Variants in IPCEF1 observed in about 807,000 individuals in gnomAD.
IPCEF1 encodes interaction protein for cytohesin exchange factors 1.
A neutral mutation model predicts 50.9 loss-of-function variants in IPCEF1; 31 were observed. The observed-to-expected ratio is 0.61, with a 90% CI of 0.46 to 0.82. The LOEUF (loss-of-function observed/expected upper bound fraction) is 0.82, where lower values mean the gene tolerates loss of function less well. Ranked by LOEUF, IPCEF1 falls within the 40% of genes least tolerant of loss-of-function variation. The pLI, the probability that IPCEF1 is intolerant of heterozygous loss-of-function variation, is 0.00. For synonymous variants in IPCEF1, 181 were observed against 192.0 expected (o/e 0.94, Z 0.47); for missense variants, 458 against 514.0 (o/e 0.89, Z 1.05).
At chr6:154,260,866 A>G (rs755565569) in intron 3 of IPCEF1, among the ~76,000 whole-genome samples, 2 of 152,206 alleles carry the variant, frequency 1.3e-5, no homozygotes, top group Non-Finnish European at 2.9e-5. Flanking sequence ...AAAGAAAACC[A>G]AGCAATCATG....
intron 10 of IPCEF1, among the ~76,000 whole-genome samples, chr6:154,179,961 G>A (rs899068040): frequency 6.6e-6 from 1 of 152,058 alleles, no homozygotes; most frequent in East Asian, 1.9e-4. Context: ...TGGAATTGCT[G>A]GTCCATGAAC....
chr6:154,297,072 G>T (rs527659560), intron 1 of IPCEF1, among the ~76,000 whole-genome samples: 1 of 150,716 alleles, frequency 6.6e-6, no homozygotes, highest in African/African-American at 2.4e-5. Context: ...TTTTTAAATA[G>T]GGTCTCACTC....
chr6:154,212,683 T>G, intron 9 of IPCEF1, 87 bp downstream of exon 9: 2 of 844,726 alleles, frequency 2.4e-6, no homozygotes, highest in Non-Finnish European at 3.8e-6. Flanking sequence ...TAAAAATTTA[T>G]TGGTCAAGCT....
chr6:154,273,604 G>T (rs2128659247), intron 2 of IPCEF1, among the ~76,000 whole-genome samples: 1 of 152,190 alleles, frequency 6.6e-6, no homozygotes, highest in South Asian at 2.1e-4. Flanking sequence ...TCTGTGTACA[G>T]TGACATATGC....
intron 10 of IPCEF1, among the ~76,000 whole-genome samples, chr6:154,174,712 C>G (rs959770815): frequency 6.6e-6 from 1 of 152,222 alleles, no homozygotes; most frequent in Middle Eastern, 3.4e-3. Context: ...GACTCTCACA[C>G]AATAATAATG....
intron 5 of IPCEF1, among the ~76,000 whole-genome samples, chr6:154,232,747 C>G (rs1341728038): frequency 6.6e-6 from 1 of 152,100 alleles, no homozygotes; most frequent in East Asian, 1.9e-4. Context: ...CTTAACCTCT[C>G]TGAGTCACTG....
At chr6:154,278,179 T>C (rs955421909) in intron 2 of IPCEF1, among the ~76,000 whole-genome samples, 2 of 152,262 alleles carry the variant, frequency 1.3e-5, no homozygotes, top group African/African-American at 4.8e-5. Flanking sequence ...AAGTTTAGAT[T>C]GGAAATTGAT....
intron 1 of IPCEF1, among the ~76,000 whole-genome samples, chr6:154,309,694 T>C (rs1783026538): frequency 6.6e-6 from 1 of 152,164 alleles, no homozygotes; most frequent in African/African-American, 2.4e-5. Flanking sequence ...TCCACAATCT[T>C]TGTGAAATTC....
chr6:154,220,813 G>A (rs139045595), intron 7 of IPCEF1, among the ~76,000 whole-genome samples: 72 of 152,298 alleles, frequency 4.7e-4, no homozygotes, highest in African/African-American at 1.6e-3. Context: ...GAGCAAAGGC[G>A]TTTTGCAATA....
intron 1 of IPCEF1, among the ~76,000 whole-genome samples, chr6:154,331,367 A>AAAGG (rs1783656870): frequency 8.4e-6 from 1 of 119,436 alleles, no homozygotes; most frequent in Non-Finnish European, 1.7e-5. Context: ...AGAAAGAAAG[A>AAAGG]AAGGAAAGAA....
chr6:154,194,072 G>A (rs1205848792), intron 10 of IPCEF1, among the ~76,000 whole-genome samples: 1 of 152,196 alleles, frequency 6.6e-6, no homozygotes, highest in Non-Finnish European at 1.5e-5. Context: ...GCCCAGGGCA[G>A]ATCACTGTTA....
At chr6:154,214,934 C>T (rs1452411621) in intron 7 of IPCEF1, among the ~76,000 whole-genome samples, 2 of 152,230 alleles carry the variant, frequency 1.3e-5, no homozygotes, top group African/African-American at 4.8e-5. Flanking sequence ...CTGCAGACCA[C>T]TGTAGTTCCT....
In IPCEF1 at chr6:154,187,887, G is replaced by A. The variant is rs942757037; in HGVS notation, c.910+11781C>T. 4.6e-5 allele frequency among the ~76,000 whole-genome samples: 7 copies of A among 152,118 alleles called. No individual in the cohort carries two copies. In the East Asian group the frequency reaches 1.3e-3, roughly 29 times the overall value. ...AAAAGTACCTACTTCTAACTTGGTG[G>A]CAGAGGTGATGAAAAAGTACCTACT... is the stretch of plus-strand genomic sequence containing the variant. On this transcript the variant is annotated intron_variant, in intron 10 of 11. Transcript: ENST00000367220.
intron 1 of IPCEF1, among the ~76,000 whole-genome samples, chr6:154,296,611 C>T (rs776619317): frequency 2.6e-5 from 4 of 152,142 alleles, no homozygotes; most frequent in East Asian, 1.9e-4. Context: ...GGGCAGATCA[C>T]GAGGTCAGGA....
intron 1 of IPCEF1, among the ~76,000 whole-genome samples, chr6:154,335,800 G>T (rs1191057156): frequency 2.6e-5 from 4 of 152,110 alleles, no homozygotes; most frequent in Admixed American, 2.6e-4. Context: ...CAACTTAACA[G>T]TAACAAATCA....
chr6:154,211,441 A>T (rs1411936373), intron 9 of IPCEF1, among the ~76,000 whole-genome samples: 1 of 151,898 alleles, frequency 6.6e-6, no homozygotes, highest in Non-Finnish European at 1.5e-5. Flanking sequence ...AAGGAAAAGC[A>T]TGTCCTATAA....
intron 1 of IPCEF1, among the ~76,000 whole-genome samples, chr6:154,298,752 T>C (rs1198017522): frequency 1.3e-5 from 2 of 152,020 alleles, no homozygotes; most frequent in African/African-American, 2.4e-5. Context: ...TCACCTGAGG[T>C]CAGGAGATTG....
intron 10 of IPCEF1, among the ~76,000 whole-genome samples, chr6:154,196,553 G>T (rs1364486549): frequency 2.6e-5 from 4 of 152,106 alleles, no homozygotes; most frequent in Non-Finnish European, 5.9e-5. Context: ...CCAGAGTAAG[G>T]TTTCTTCATT....
intron 10 of IPCEF1, among the ~76,000 whole-genome samples, chr6:154,171,221 C>T (rs1799844528): frequency 6.6e-6 from 1 of 152,150 alleles, no homozygotes; most frequent in Non-Finnish European, 1.5e-5. Context: ...CCTAAATGTT[C>T]ATCAGCTGAT....
Sources: allele counts gnomAD v4.1 joint callset (sites outside exome capture counted in the v4.1 genomes callset), GRCh38; gene constraint gnomAD v4.1.1; transcripts MANE v1.5; gene names NCBI Gene and HGNC (gene_info 2026-07-23, HGNC 2026-07-21).